The following PLXDC2 variants were observed in gnomAD, a reference collection of about 807,000 sequenced individuals.
The protein encoded by PLXDC2 is plexin domain-containing protein 2.
A neutral mutation model predicts 68.9 loss-of-function variants in PLXDC2; 40 were observed. That is an observed-to-expected ratio of 0.58 (90% CI 0.45 to 0.76). The LOEUF is 0.76. Ranked by LOEUF, PLXDC2 falls within the 30% of genes least tolerant of loss-of-function variation. The probability of loss-of-function intolerance (pLI) is 0.00; values close to 1 mark genes in which losing one functional copy is unlikely to be tolerated. For missense variants in PLXDC2, 644 were observed against 661.9 expected (o/e 0.97, Z 0.30); for synonymous variants, 243 against 234.2 (o/e 1.04, Z -0.34).
intron 4 of PLXDC2, among the ~76,000 whole-genome samples, chr10:20,069,797 C>T (rs1416040407): frequency 1.3e-5 from 2 of 152,276 alleles, no homozygotes; most frequent in East Asian, 3.9e-4. Flanking sequence ...CACCACTGCA[C>T]TACAGCTTGG....
At chr10:20,093,142 C>G (rs1833301623) in intron 4 of PLXDC2, among the ~76,000 whole-genome samples, 1 of 152,066 alleles carries the variant, frequency 6.6e-6, no homozygotes, top group Non-Finnish European at 1.5e-5. Context: ...GAGTTTATAA[C>G]TATATTATTG....
chr10:19,830,220 AT>A (rs143665313), intron 1 of PLXDC2, among the ~76,000 whole-genome samples: 10,794 of 152,222 alleles, frequency 0.071, 515 homozygotes, highest in African/African-American at 0.13. Context: ...TATTTAAGAG[AT>A]TTTTCAGATA....
Position 20,020,178 on chromosome 10 carries a change from A to ATTTTTTTTTTTTTTTTTTTTTTTT in PLXDC2, c.324+18214_324+18215insTTTTTTTTTTTTTTTTTTTTTTTT, listed in dbSNP as rs71388889. Among the ~76,000 whole-genome samples, 6 of 107,332 alleles carry ATTTTTTTTTTTTTTTTTTTTTTTT rather than the reference A, an allele frequency of 5.6e-5. 1 individual carries two copies. Among genetic ancestry groups the ATTTTTTTTTTTTTTTTTTTTTTTT allele is most frequent in the African/African-American group, 2.5e-4 (6 of 24,184 alleles). The allele number at this position is 107,332 out of a possible 152,430, so 70.4% of individuals were successfully genotyped here. ...AAACACATGCCACCACACCCAGCAAATTTTTTTTTTTTTTTTTTTTTTGTA... is the reference window on the plus strand; with the variant it reads ...AAACACATGCCACCACACCCAGCAAATTTTTTTTTTTTTTTTTTTTTTTTTTTTTTTTTTTTTTTTTTTTTTGTA... On this transcript the variant is annotated intron_variant, in intron 2 of 13. Coordinates refer to ENST00000377252, the MANE Select transcript of PLXDC2 (RefSeq NM_032812.9).
chr10:20,184,724 T>C (rs1490094719), intron 9 of PLXDC2, among the ~76,000 whole-genome samples: 1 of 151,936 alleles, frequency 6.6e-6, no homozygotes, highest in Non-Finnish European at 1.5e-5. Context: ...TGCTTCTGAA[T>C]GAAAGTAACA....
At chr10:19,870,607 G>A (rs1837516871) in intron 1 of PLXDC2, among the ~76,000 whole-genome samples, 1 of 151,942 alleles carries the variant, frequency 6.6e-6, no homozygotes, top group African/African-American at 2.4e-5. Context: ...TGTATTTTTA[G>A]TAGAGATGGG....
At chr10:20,165,632 G>GT (rs1385846844) in intron 7 of PLXDC2, among the ~76,000 whole-genome samples, 10 of 152,100 alleles carry the variant, frequency 6.6e-5, no homozygotes, top group African/African-American at 2.2e-4. Flanking sequence ...AAAACTGTTT[G>GT]GGAGTCTAAA....
chr10:20,260,309 C>T (rs779534658), intron 13 of PLXDC2, among the ~76,000 whole-genome samples: 2 of 152,192 alleles, frequency 1.3e-5, no homozygotes, highest in Non-Finnish European at 2.9e-5. Flanking sequence ...ATTTGTCGTA[C>T]ATAACTGCAA....
chr10:19,838,954 G>T (rs1836850822), intron 1 of PLXDC2, among the ~76,000 whole-genome samples: 1 of 152,074 alleles, frequency 6.6e-6, no homozygotes, highest in Non-Finnish European at 1.5e-5. Context: ...GTGAGGCCGA[G>T]GCCAGTGGAT....
chr10:20,044,170 T>TTTCTTTCC (rs1835737319), intron 2 of PLXDC2, among the ~76,000 whole-genome samples: 1 of 110,308 alleles, frequency 9.1e-6, no homozygotes, highest in Non-Finnish European at 1.9e-5. Context: ...TTCCTCTTTC[T>TTTCTTTCC]TTCTTTCCTT....
chr10:20,191,474 C>G (rs978288224), intron 9 of PLXDC2, among the ~76,000 whole-genome samples: 2 of 151,606 alleles, frequency 1.3e-5, no homozygotes, highest in Non-Finnish European at 2.9e-5. Flanking sequence ...TTCTGATCAC[C>G]GAGAAGACCT....
chr10:20,233,370 T>TAAAAAAA (rs3051536), intron 12 of PLXDC2, among the ~76,000 whole-genome samples: 1 of 150,910 alleles, frequency 6.6e-6, no homozygotes, highest in Non-Finnish European at 1.5e-5. Context: ...TACAAAAATT[T>TAAAAAAA]AAAAAAAGTA....
chr10:19,934,513 C>T (rs1437101467), intron 1 of PLXDC2, among the ~76,000 whole-genome samples: 2 of 152,144 alleles, frequency 1.3e-5, no homozygotes, highest in Non-Finnish European at 2.9e-5. Context: ...TTTCCTATTG[C>T]GATCATTACA....
chr10:19,868,922 T>C (rs1191561550), intron 1 of PLXDC2, among the ~76,000 whole-genome samples: 1 of 152,220 alleles, frequency 6.6e-6, no homozygotes, highest in Non-Finnish European at 1.5e-5. Context: ...TTTTATTTCT[T>C]GTAAGTTTTT....
chr10:20,284,109 A>C lies in PLXDC2; in HGVS notation c.*4290A>C, dbSNP rs1047598600. On this transcript the variant is annotated 3_prime_UTR_variant, in exon 14 of 14. Coordinates refer to ENST00000377252, the MANE Select transcript of PLXDC2 (RefSeq NM_032812.9). ...GATAGGAAATTAATATTTAAATAAG[A>C]CTAATTGAAAACTAGATTATCTGGT... 6.6e-6 allele frequency: 1 copy of C among 152,000 alleles called. No individual in the cohort carries two copies. Among genetic ancestry groups the C allele is most frequent in the African/African-American group, 2.4e-5 (1 of 41,376 alleles). The allele number at this position is 152,000 out of a possible 1,614,324, so 9.4% of individuals were successfully genotyped here.
intron 1 of PLXDC2, among the ~76,000 whole-genome samples, chr10:19,982,915 T>C (rs1410957936): frequency 1.3e-5 from 2 of 152,212 alleles, no homozygotes; most frequent in Non-Finnish European, 2.9e-5. Context: ...CATTTATTTC[T>C]ATAAACAGTA....
intron 1 of PLXDC2, among the ~76,000 whole-genome samples, chr10:19,936,173 C>A (rs1024489320): frequency 6.6e-6 from 1 of 152,080 alleles, no homozygotes; most frequent in Admixed American, 6.6e-5. Context: ...GTAACCAGAA[C>A]CCAGATTTAA....
chr10:20,061,491 G>C (rs1233730667), intron 3 of PLXDC2, among the ~76,000 whole-genome samples: 3 of 152,126 alleles, frequency 2.0e-5, no homozygotes, highest in Admixed American at 2.0e-4. Context: ...CTCATTAGTG[G>C]TGAGGTTAAT....
rs1298082583 is a variant in PLXDC2 at position 20,217,470 on chromosome 10, T to C, written c.1167T>C (p.Ser389=). The C allele has an allele frequency of 1.2e-6, 2 of 1,612,916 alleles. No individual in the cohort carries two copies. The highest frequency in any genetic ancestry group is 2.2e-5 in the East Asian group (1 of 44,792). The change falls in exon 11 of 14, where the codon TCT becomes TCC. Residue 389 remains serine, a synonymous_variant. Coordinates refer to ENST00000377252, the MANE Select transcript of PLXDC2 (RefSeq NM_032812.9). ...AGAATACAGAACCAGTGGAAACTTC[T>C]TCTCGAACCACCACAACCGTAGGAG... The part of the protein sequence containing the change: ...MCENTEPVET[S]SRTTTTVGAT...
At chr10:19,992,419 G>T (rs1834765082) in intron 1 of PLXDC2, among the ~76,000 whole-genome samples, 1 of 152,234 alleles carries the variant, frequency 6.6e-6, no homozygotes, top group African/African-American at 2.4e-5. Flanking sequence ...CCTATTCATA[G>T]GTTATCTGTG....
Sources: gnomAD v4.1 joint callset for allele counts (sites outside exome capture counted in the v4.1 genomes callset) on GRCh38, gnomAD v4.1.1 for gene constraint, MANE v1.5 for transcripts, NCBI Gene and HGNC (gene_info 2026-07-23, HGNC 2026-07-21) for gene names.